ANO4: variants seen among roughly 807,000 people sequenced by gnomAD.
The protein encoded by ANO4 is anoctamin 4.
A neutral mutation model predicts 141.9 loss-of-function variants in ANO4; 69 were observed. That is an observed-to-expected ratio of 0.49 (90% CI 0.40 to 0.59). The LOEUF (loss-of-function observed/expected upper bound fraction) is 0.59, where lower values mean the gene tolerates loss of function less well. ANO4 is among the 20% of genes least tolerant of loss of function. ANO4 has a pLI of 0.00. For synonymous variants in ANO4, 350 were observed against 394.3 expected (o/e 0.89, Z 1.33); for missense variants, 894 against 1,162.2 (o/e 0.77, Z 3.36).
chr12:100,884,796 G>A (rs1011636211), intron 1 of ANO4, among the ~76,000 whole-genome samples: 1 of 152,190 alleles, frequency 6.6e-6, no homozygotes. Flanking sequence ...CCGCATTCAA[G>A]CGATTCTCCC....
At chr12:101,091,852 G>C (rs1345990319) in intron 17 of ANO4, among the ~76,000 whole-genome samples, 1 of 151,820 alleles carries the variant, frequency 6.6e-6, no homozygotes, top group Non-Finnish European at 1.5e-5. Context: ...TTTTTATATA[G>C]TATTTACTTT....
intron 14 of ANO4, among the ~76,000 whole-genome samples, chr12:101,071,724 A>G (rs1193997675): frequency 6.6e-6 from 1 of 152,182 alleles, no homozygotes; most frequent in African/African-American, 2.4e-5. Context: ...ACAAAGGATA[A>G]ATGCTTGAGG....
chr12:101,116,171 GA>G (rs1184928810), intron 24 of ANO4, among the ~76,000 whole-genome samples: 2 of 152,116 alleles, frequency 1.3e-5, no homozygotes, highest in African/African-American at 4.8e-5. Flanking sequence ...AATTCTAACA[GA>G]AAAGATAACA....
chr12:100,814,238 A>G (rs960401216), intron 1 of ANO4, among the ~76,000 whole-genome samples: 2 of 152,206 alleles, frequency 1.3e-5, no homozygotes, highest in Non-Finnish European at 2.9e-5. Context: ...GATATAATTT[A>G]CATATCATAT....
chr12:100,906,951 A>G (rs1286696901), intron 2 of ANO4, among the ~76,000 whole-genome samples: 2 of 152,166 alleles, frequency 1.3e-5, no homozygotes, highest in African/African-American at 2.4e-5. Flanking sequence ...AGCAAGGTGA[A>G]TGGGGCAATC....
At chr12:101,065,263 G>A (rs1453966934) in intron 14 of ANO4, among the ~76,000 whole-genome samples, 1 of 151,936 alleles carries the variant, frequency 6.6e-6, no homozygotes, top group Non-Finnish European at 1.5e-5. Flanking sequence ...TATATATAAG[G>A]TTCAGTAGTA....
chr12:100,780,656 C>A (rs970164375), intron 3 of ANO4, among the ~76,000 whole-genome samples: 3 of 152,068 alleles, frequency 2.0e-5, no homozygotes, highest in Admixed American at 2.0e-4. Flanking sequence ...CTGGTTTTGG[C>A]CCATTTCTTT....
chr12:100,942,557 GA>G, intron 5 of ANO4, 22 bp downstream of exon 5: 1 of 1,602,034 alleles, frequency 6.2e-7, no homozygotes, highest in Non-Finnish European at 8.5e-7. Flanking sequence ...GCTTGGATGA[GA>G]AAAAAATATA....
chr12:100,957,392 A>C (rs1463873346), intron 5 of ANO4, among the ~76,000 whole-genome samples: 1 of 152,188 alleles, frequency 6.6e-6, no homozygotes, highest in Non-Finnish European at 1.5e-5. Flanking sequence ...CAGCACCCTC[A>C]TGATCCAAAC....
chr12:100,804,326 G>A (rs1481097845), intron 1 of ANO4, among the ~76,000 whole-genome samples: 1 of 152,050 alleles, frequency 6.6e-6, no homozygotes, highest in Non-Finnish European at 1.5e-5. Flanking sequence ...ATATATATAC[G>A]ACATTTCCTT....
intron 1 of ANO4, among the ~76,000 whole-genome samples, chr12:100,835,095 A>G (rs4764755): frequency 0.65 from 98,237 of 151,954 alleles, 32,412 homozygotes; most frequent in African/African-American, 0.77. Flanking sequence ...CAGATGTGAA[A>G]GGACGTACTT....
chr12:101,088,301 T>A (rs1226315629), intron 17 of ANO4, among the ~76,000 whole-genome samples: 1 of 152,168 alleles, frequency 6.6e-6, no homozygotes, highest in Non-Finnish European at 1.5e-5. Flanking sequence ...TTCCAGTCTT[T>A]GTTCAAATGT....
intron 3 of ANO4, among the ~76,000 whole-genome samples, chr12:100,924,287 TC>T (rs922738300): frequency 1.3e-5 from 2 of 152,252 alleles, no homozygotes; most frequent in East Asian, 3.9e-4. Context: ...TCCCCATTTA[TC>T]ATTATACCGT....
chr12:100,920,223 G>A (rs1285112292), intron 2 of ANO4, among the ~76,000 whole-genome samples: 2 of 152,082 alleles, frequency 1.3e-5, no homozygotes, highest in African/African-American at 2.4e-5. Flanking sequence ...CCAATAGCCT[G>A]TGTTTGTGAC....
chr12:100,792,110 C>T (rs1368431037), upstream of ANO4, among the ~76,000 whole-genome samples: 3 of 151,952 alleles, frequency 2.0e-5, no homozygotes, highest in African/African-American at 7.3e-5. Flanking sequence ...TTCACTTTTT[C>T]TCCTTAGGCT....
chr12:100,745,891 C>G (rs1177701269), intron 3 of ANO4, among the ~76,000 whole-genome samples: 1 of 152,134 alleles, frequency 6.6e-6, no homozygotes, highest in African/African-American at 2.4e-5. Flanking sequence ...TCAGAAACAT[C>G]TTAGAAATAA....
At chr12:101,097,495 A>G (rs919605448) in intron 19 of ANO4, among the ~76,000 whole-genome samples, 156 bp from the exon 20 acceptor site, 6 of 152,176 alleles carry the variant, frequency 3.9e-5, no homozygotes, top group Non-Finnish European at 7.3e-5. Context: ...TCCAGAAGCT[A>G]TGGTTATGAC....
At chr12:100,803,466 A>G (rs1037349253) in intron 1 of ANO4, among the ~76,000 whole-genome samples, 2 of 152,214 alleles carry the variant, frequency 1.3e-5, no homozygotes, top group African/African-American at 4.8e-5. Context: ...CGAGATAAAA[A>G]ACAATATTTA....
At chr12:101,089,960 A>G (rs1014243637) in intron 17 of ANO4, among the ~76,000 whole-genome samples, 3 of 152,226 alleles carry the variant, frequency 2.0e-5, no homozygotes, top group African/African-American at 7.2e-5. Flanking sequence ...CACTTCTCAA[A>G]AGAAGACATT....
Sources: allele counts gnomAD v4.1 joint callset (sites outside exome capture counted in the v4.1 genomes callset), GRCh38; gene constraint gnomAD v4.1.1; transcripts MANE v1.5; gene names NCBI Gene and HGNC (gene_info 2026-07-23, HGNC 2026-07-21).